The following CNTN4 variants were observed in gnomAD, a reference collection of about 807,000 sequenced individuals.
CNTN4 encodes the protein contactin-4.
Under a neutral mutation model 122.5 loss-of-function variants are expected in CNTN4, and 77 were observed. The ratio of observed to expected loss-of-function variants is 0.63; its 90% confidence interval spans 0.52 to 0.76. CNTN4 has a LOEUF of 0.76. CNTN4 is among the 30% of genes least tolerant of loss of function. CNTN4 has a pLI of 0.00. For missense variants in CNTN4, 1,256 were observed against 1,259.1 expected (o/e 1.00, Z 0.04); for synonymous variants, 512 against 447.0 (o/e 1.15, Z -1.83).
chr3:2,268,619 T>G (rs2041149492), intron 2 of CNTN4, among the ~76,000 whole-genome samples: 1 of 152,164 alleles, frequency 6.6e-6, no homozygotes, highest in Non-Finnish European at 1.5e-5. Flanking sequence ...CTAGTTAATG[T>G]GATATATCTC....
At chr3:2,456,218 G>A (rs936988075) in intron 3 of CNTN4, among the ~76,000 whole-genome samples, 5 of 151,996 alleles carry the variant, frequency 3.3e-5, no homozygotes, top group African/African-American at 9.7e-5. Flanking sequence ...CTGGCCTTAT[G>A]AGGGAGTAAT....
chr3:2,302,425 C>G (rs777493175), intron 2 of CNTN4, among the ~76,000 whole-genome samples: 5 of 152,288 alleles, frequency 3.3e-5, no homozygotes, highest in East Asian at 1.9e-4. Context: ...GAGACTCCAT[C>G]TCAAAAAACA....
intron 3 of CNTN4, among the ~76,000 whole-genome samples, chr3:2,444,895 C>A (rs2151308649): frequency 6.6e-6 from 1 of 152,002 alleles, no homozygotes; most frequent in East Asian, 1.9e-4. Context: ...TGCATTTGTA[C>A]CCCTTGACAA....
intron 2 of CNTN4, among the ~76,000 whole-genome samples, chr3:2,288,583 T>G (rs936260848): frequency 6.6e-6 from 1 of 152,032 alleles, no homozygotes; most frequent in Non-Finnish European, 1.5e-5. Flanking sequence ...CAAGAGGAAG[T>G]TGCTATAAAA....
chr3:2,682,082 A>G (rs2085194439), intron 4 of CNTN4, among the ~76,000 whole-genome samples: 1 of 152,214 alleles, frequency 6.6e-6, no homozygotes, highest in African/African-American at 2.4e-5. Context: ...ATATTTATAA[A>G]TCCTCTACTA....
chr3:2,130,540 A>G (rs1037067729), intron 2 of CNTN4, among the ~76,000 whole-genome samples: 1 of 152,184 alleles, frequency 6.6e-6, no homozygotes. Flanking sequence ...TAGAAGTAGG[A>G]TATTTGCAGC....
chr3:2,527,198 G>C (rs989340030), intron 3 of CNTN4, among the ~76,000 whole-genome samples: 1 of 152,140 alleles, frequency 6.6e-6, no homozygotes, highest in Non-Finnish European at 1.5e-5. Flanking sequence ...GATTCCTTCT[G>C]GTCATTACAT....
chr3:2,570,818 T>C (rs1373294085), intron 3 of CNTN4, among the ~76,000 whole-genome samples: 2 of 152,174 alleles, frequency 1.3e-5, no homozygotes, highest in African/African-American at 4.8e-5. Flanking sequence ...TCTGGATATA[T>C]CCAAATGAAC....
At chr3:2,674,753 G>A (rs1008143959) in intron 4 of CNTN4, among the ~76,000 whole-genome samples, 8 of 149,156 alleles carry the variant, frequency 5.4e-5, no homozygotes, top group South Asian at 2.2e-4. Context: ...ATGAGACTTC[G>A]TCTCAAAAAA....
intron 2 of CNTN4, among the ~76,000 whole-genome samples, chr3:2,294,085 T>C (rs555974236): frequency 3.5e-4 from 53 of 152,292 alleles, no homozygotes; most frequent in African/African-American, 1.3e-3. Flanking sequence ...GTTCCCATGG[T>C]GGTGAGGCAG....
intron 3 of CNTN4, among the ~76,000 whole-genome samples, chr3:2,505,073 A>G (rs1296676058): frequency 4.6e-5 from 7 of 152,176 alleles, no homozygotes; most frequent in Admixed American, 3.9e-4. Context: ...GTTTTGTGGC[A>G]TTGCTGCATT....
chr3:3,044,012 G>A (rs748940089), intron 23 of CNTN4, among the ~76,000 whole-genome samples: 3 of 152,144 alleles, frequency 2.0e-5, no homozygotes, highest in Admixed American at 1.3e-4. Flanking sequence ...TGTCAGCTTC[G>A]TTTTGCTCCT....
At chr3:2,766,572 A>G (rs996504863) in intron 6 of CNTN4, among the ~76,000 whole-genome samples, 1 of 152,142 alleles carries the variant, frequency 6.6e-6, no homozygotes, top group African/African-American at 2.4e-5. Context: ...AGAATGATAC[A>G]ATGGAATTTT....
intron 6 of CNTN4, among the ~76,000 whole-genome samples, chr3:2,782,298 G>GC: frequency 6.6e-6 from 1 of 151,776 alleles, no homozygotes; most frequent in Admixed American, 6.6e-5. Context: ...TAGGTGGGGG[G>GC]GGGCCTTAGA....
intron 2 of CNTN4, among the ~76,000 whole-genome samples, chr3:2,238,644 G>A (rs1312988237): frequency 6.6e-6 from 1 of 151,046 alleles, no homozygotes; most frequent in Non-Finnish European, 1.5e-5. Context: ...TTAAAAATCC[G>A]AATGTTGCCA....
intron 2 of CNTN4, among the ~76,000 whole-genome samples, chr3:2,126,986 AG>A (rs759378588): frequency 1.3e-5 from 2 of 152,174 alleles, no homozygotes; most frequent in Non-Finnish European, 2.9e-5. Context: ...TCTGATGAGG[AG>A]TCCTAGCAGT....
At chr3:2,364,906 G>C (rs1029665787) in intron 3 of CNTN4, among the ~76,000 whole-genome samples, 1 of 151,998 alleles carries the variant, frequency 6.6e-6, no homozygotes, top group African/African-American at 2.4e-5. Context: ...TGTTTTCATA[G>C]TCCACAAGAT....
chr3:2,910,927 A>T (rs2094292747), intron 12 of CNTN4, among the ~76,000 whole-genome samples: 1 of 152,196 alleles, frequency 6.6e-6, no homozygotes, highest in Admixed American at 6.5e-5. Flanking sequence ...CACTCCAGTC[A>T]AGTGTAAAGC....
chr3:2,657,631 A>G (rs2083651633), intron 4 of CNTN4, among the ~76,000 whole-genome samples: 1 of 152,144 alleles, frequency 6.6e-6, no homozygotes, highest in Non-Finnish European at 1.5e-5. Flanking sequence ...TTTAGCTAGC[A>G]TGGGGTGCGT....
Sources: allele counts gnomAD v4.1 joint callset (sites outside exome capture counted in the v4.1 genomes callset), GRCh38; gene constraint gnomAD v4.1.1; transcripts MANE v1.5; gene names NCBI Gene and HGNC (gene_info 2026-07-23, HGNC 2026-07-21).